Variants in NKAIN3 observed in about 807,000 individuals in gnomAD.
NKAIN3 encodes the protein sodium/potassium transporting ATPase interacting 3.
NKAIN3 carries 25 observed loss-of-function variants against 30.2 expected under a neutral mutation model. The observed-to-expected ratio is 0.83, with a 90% confidence interval of 0.60 to 1.16. The LOEUF is 1.16. NKAIN3 is among the 50% of genes most tolerant of loss of function. The probability of loss-of-function intolerance (pLI) is 0.00; values close to 1 mark genes in which losing one functional copy is unlikely to be tolerated. For missense variants in NKAIN3, 225 were observed against 254.1 expected (o/e 0.89, Z 0.78); for synonymous variants, 91 against 89.6 (o/e 1.02, Z -0.09).
rs35892368 is a variant in NKAIN3, at chr8:62,498,714, C to CTT, written c.55-80813_55-80812dup. Among the ~76,000 whole-genome samples the CTT allele has an allele frequency of 1.4e-3, 204 of 145,510 alleles. 1 individual carries two copies. Among genetic ancestry groups the CTT allele is most frequent in the African/African-American group, 4.9e-3 (195 of 39,766 alleles). ...CAATCAACCAAGTGAGGATGTATGT[C>CTT]TTTTTTTTTTTTTCCATTCAGCCTG... On this transcript the variant is annotated intron_variant, in intron 1 of 6. Transcript: ENST00000623646.
rs111741209 is a variant in NKAIN3, at chr8:62,845,753, A to C, written c.472-72700A>C. 7.6e-3 allele frequency among the ~76,000 whole-genome samples: 1,154 copies of C among 152,262 alleles called. 6 individuals are homozygous for C. The highest frequency in any genetic ancestry group is 0.011 in the Non-Finnish European group (730 of 68,010). On this transcript the variant is annotated intron_variant, in intron 4 of 6. Coordinates refer to ENST00000623646, the MANE Select transcript of NKAIN3 (RefSeq NM_001304533.3). ...TAGAGGAAACTGGCATTACTTAAGC[A>C]AGGACTGAACAGTGTATTCGGAAAA...
At chr8:62,989,199 A>T (rs1340953563), downstream of NKAIN3, among the ~76,000 whole-genome samples, 2 of 152,120 alleles carry the variant, frequency 1.3e-5, no homozygotes, top group Non-Finnish European at 2.9e-5. Context: ...AAACTGTTCC[A>T]CCTGTTACCC....
chr8:62,784,884 T>C (rs1817465716), intron 4 of NKAIN3, among the ~76,000 whole-genome samples: 1 of 152,156 alleles, frequency 6.6e-6, no homozygotes, highest in Admixed American at 6.6e-5. Flanking sequence ...AAGTTTTATT[T>C]TCAAATGAAA....
At chr8:62,312,049 C>G (rs1382179378) in intron 1 of NKAIN3, among the ~76,000 whole-genome samples, 1 of 149,438 alleles carries the variant, frequency 6.7e-6, no homozygotes, top group Non-Finnish European at 1.5e-5. Context: ...GAAGTATGAT[C>G]AAGTGAGAAA....
At chr8:62,935,031 A>G (rs1002343404) in intron 5 of NKAIN3, among the ~76,000 whole-genome samples, 1 of 152,068 alleles carries the variant, frequency 6.6e-6, no homozygotes, top group African/African-American at 2.4e-5. Flanking sequence ...TTCCTAAGAG[A>G]CCTTTATGCA....
At chr8:62,826,093 T>C (rs1819012501) in intron 4 of NKAIN3, among the ~76,000 whole-genome samples, 2 of 152,198 alleles carry the variant, frequency 1.3e-5, no homozygotes, top group South Asian at 2.1e-4. Context: ...CCTTCTCTGC[T>C]CATCTCTGAT....
At chr8:62,266,414 T>A (rs1812599545) in intron 1 of NKAIN3, among the ~76,000 whole-genome samples, 1 of 152,202 alleles carries the variant, frequency 6.6e-6, no homozygotes, top group Non-Finnish European at 1.5e-5. Context: ...GCCTTCTTAT[T>A]AAATGATGTC....
At chr8:62,692,791 C>T (rs1486303091) in intron 3 of NKAIN3, among the ~76,000 whole-genome samples, 1 of 152,172 alleles carries the variant, frequency 6.6e-6, no homozygotes, top group Non-Finnish European at 1.5e-5. Flanking sequence ...CAATTTCATC[C>T]ACTTCATTAA....
intron 5 of NKAIN3, among the ~76,000 whole-genome samples, chr8:62,922,150 T>C (rs774471712): frequency 3.9e-5 from 6 of 152,216 alleles, no homozygotes; most frequent in African/African-American, 1.4e-4. Context: ...AATAGTTCTT[T>C]ATATAAACAT....
intron 1 of NKAIN3, among the ~76,000 whole-genome samples, chr8:62,446,059 A>G (rs1267925637): frequency 6.6e-6 from 1 of 152,196 alleles, no homozygotes; most frequent in Non-Finnish European, 1.5e-5. Context: ...TAACGATTAA[A>G]TATCCTGAAA....
intron 4 of NKAIN3, chr8:62,855,581 A>T: frequency 6.3e-7 from 1 of 1,584,184 alleles, no homozygotes; most frequent in South Asian, 1.1e-5. Context: ...CATTGCTTCA[A>T]CCTTGGGCAA....
chr8:62,368,841 C>G (rs969334155), intron 1 of NKAIN3, among the ~76,000 whole-genome samples: 1 of 151,190 alleles, frequency 6.6e-6, no homozygotes, highest in Non-Finnish European at 1.5e-5. Context: ...TTTTAACTTC[C>G]CTGAATATGC....
intron 1 of NKAIN3, among the ~76,000 whole-genome samples, chr8:62,307,920 T>G (rs151303283): frequency 6.7e-6 from 1 of 150,330 alleles, no homozygotes; most frequent in Non-Finnish European, 1.5e-5. Context: ...CAAAGTAGTC[T>G]TGTGGGGAAG....
At chr8:62,567,220 C>G (rs1428520935) in intron 1 of NKAIN3, among the ~76,000 whole-genome samples, 2 of 151,988 alleles carry the variant, frequency 1.3e-5, no homozygotes, top group Admixed American at 1.3e-4. Context: ...GTGGAACAGA[C>G]AGTAACATTA....
intron 4 of NKAIN3, among the ~76,000 whole-genome samples, chr8:62,822,015 G>A (rs1818864095): frequency 6.6e-6 from 1 of 151,820 alleles, no homozygotes; most frequent in Non-Finnish European, 1.5e-5. Context: ...CACAGATTAG[G>A]GCTGGAAAAA....
intron 1 of NKAIN3, among the ~76,000 whole-genome samples, chr8:62,549,598 A>G (rs1373746964): frequency 1.3e-5 from 2 of 152,122 alleles, no homozygotes; most frequent in African/African-American, 4.8e-5. Flanking sequence ...TTGTAGGAAT[A>G]GTTTGGCTAA....
At chr8:62,849,424 T>A (rs1184242404) in intron 4 of NKAIN3, among the ~76,000 whole-genome samples, 1 of 151,852 alleles carries the variant, frequency 6.6e-6, no homozygotes, top group Non-Finnish European at 1.5e-5. Flanking sequence ...GCCAGGAATG[T>A]ATCCATTTCC....
chr8:62,400,163 C>CTTTTTT (rs71255333), intron 1 of NKAIN3, among the ~76,000 whole-genome samples: 13 of 122,248 alleles, frequency 1.1e-4, no homozygotes, highest in South Asian at 2.8e-4. Flanking sequence ...GCTATATTTT[C>CTTTTTT]TTTTTTTTTT....
At chr8:62,398,872 A>C (rs1465523667) in intron 1 of NKAIN3, among the ~76,000 whole-genome samples, 1 of 152,172 alleles carries the variant, frequency 6.6e-6, no homozygotes. Context: ...CAGGCAGATC[A>C]CGAGGTCAGG....
Sources: allele counts gnomAD v4.1 joint callset (sites outside exome capture counted in the v4.1 genomes callset), GRCh38; gene constraint gnomAD v4.1.1; transcripts MANE v1.5; gene names NCBI Gene and HGNC (gene_info 2026-07-23, HGNC 2026-07-21).